Variants in ANK2 observed in about 807,000 individuals in gnomAD.
The protein encoded by ANK2 is ankyrin-2.
In ANK2, 83 loss-of-function variants were observed where a neutral mutation model predicts 360.5. The observed-to-expected ratio is 0.23, with a 90% confidence interval of 0.19 to 0.28. The LOEUF is 0.28. Among genes scored for constraint, ANK2 ranks in the 10% least tolerant of loss-of-function variants. ANK2 has a pLI of 1.00. For missense variants in ANK2, 4,201 were observed against 4,795.7 expected (o/e 0.88, Z 3.66); for synonymous variants, 1,740 against 1,759.5 (o/e 0.99, Z 0.28).
intron 1 of ANK2, among the ~76,000 whole-genome samples, chr4:113,158,626 C>G (rs753330349): frequency 1.8e-4 from 28 of 152,102 alleles, no homozygotes; most frequent in Non-Finnish European, 3.1e-4. Context: ...ATGCTGGGCT[C>G]CCATTTTGAA....
At chr4:113,020,209 G>T (rs1032120079) in intron 2 of ANK2, among the ~76,000 whole-genome samples, 1 of 151,876 alleles carries the variant, frequency 6.6e-6, no homozygotes. Flanking sequence ...TTTGGTATGG[G>T]GTCTTTCTCT....
At position 112,821,510 on chromosome 4, in the gene ANK2, TA is replaced by T. The variant is rs367576566; in HGVS notation, c.-40+3247del. Among the ~76,000 whole-genome samples, 148 of 149,274 alleles carry T rather than the reference TA, an allele frequency of 9.9e-4. 3 individuals are homozygous for T. Among genetic ancestry groups the T allele is most frequent in the Middle Eastern group, 3.4e-3 (1 of 290 alleles). ...TGTAGACTACCCTAATTTTTTTTTT[TA>T]TTTTTTTTTTGAGACTGGGTCTCAG... On this transcript the variant is annotated intron_variant, in intron 1 of 30. Transcript: ENST00000503271.
At chr4:113,133,607 TAAAC>T (rs2096209912) in intron 1 of ANK2, among the ~76,000 whole-genome samples, 3 of 152,092 alleles carry the variant, frequency 2.0e-5, no homozygotes. Flanking sequence ...GGGCAGATAA[TAAAC>T]AAACCTTAGA....
At chr4:113,104,921 G>A (rs2093429162) in intron 1 of ANK2, among the ~76,000 whole-genome samples, 1 of 152,100 alleles carries the variant, frequency 6.6e-6, no homozygotes, top group Non-Finnish European at 1.5e-5. Flanking sequence ...GAAGTATCTA[G>A]TTATGGACAG....
chr4:113,136,414 C>A (rs544795790), intron 1 of ANK2, among the ~76,000 whole-genome samples: 6 of 152,036 alleles, frequency 3.9e-5, no homozygotes, highest in African/African-American at 1.4e-4. Flanking sequence ...AACTGGAATA[C>A]GCTAGGAATG....
chr4:113,318,560 T>C lies in ANK2; in HGVS notation c.2840T>C (p.Leu947Pro), dbSNP rs786205734. The change falls in exon 26 of 46, where the codon CTA becomes CCA. Residue 947 changes from leucine (L) to proline (P), a missense_variant. Physicochemically the swap from Leu to Pro is moderately conservative, Grantham distance 98 (BLOSUM62 -3). This residue lies in a region of ANK2 where 1,268 missense variants were observed against 1,650.8 expected (regional missense o/e 0.77). Transcript: ENST00000357077. ...AKEAERNSYR[L>P]SWGTENLDNV... ...GAGGCAGAAAGGAATTCTTATCGCC[T>C]AAGCTGGGGCACTGAGAACTTAGAC... 1 of 1,613,878 alleles carries C rather than the reference T, an allele frequency of 6.2e-7. No homozygotes were observed. Among genetic ancestry groups the C allele is most frequent in the Non-Finnish European group, 8.5e-7 (1 of 1,179,830 alleles).
intron 6 of ANK2, 76 bp downstream of exon 6, chr4:113,237,248 A>G (rs1162562299): frequency 9.3e-6 from 14 of 1,503,676 alleles, no homozygotes; most frequent in Non-Finnish European, 1.1e-5. Context: ...ATAAAGAAGT[A>G]GGCCATGGTG....
chr4:112,921,291 C>T (rs893583694), intron 2 of ANK2, among the ~76,000 whole-genome samples: 5 of 151,410 alleles, frequency 3.3e-5, no homozygotes, highest in Middle Eastern at 3.4e-3. Flanking sequence ...TCCCAAAGTG[C>T]TGGGATTACA....
chr4:112,968,604 C>T (rs557743017), intron 2 of ANK2, among the ~76,000 whole-genome samples: 1 of 152,148 alleles, frequency 6.6e-6, no homozygotes, highest in Non-Finnish European at 1.5e-5. Context: ...TCTCTTTCTC[C>T]CTTCTCTTTT....
At chr4:113,340,723 C>T (rs1167813031) in intron 32 of ANK2, among the ~76,000 whole-genome samples, 1 of 133,268 alleles carries the variant, frequency 7.5e-6, no homozygotes, top group African/African-American at 3.5e-5. Flanking sequence ...AACAAACAAA[C>T]AAAAAACAAA....
chr4:112,838,385 T>A (rs571483769), intron 1 of ANK2, among the ~76,000 whole-genome samples: 11 of 152,304 alleles, frequency 7.2e-5, no homozygotes, highest in South Asian at 6.2e-4. Context: ...AATGGACTAA[T>A]ACAGAGGCCC....
the ANK2 span, among the ~76,000 whole-genome samples, chr4:112,708,019 G>T: frequency 2.6e-5 from 4 of 152,184 alleles, no homozygotes; most frequent in African/African-American, 7.2e-5. Flanking sequence ...GAAATAGGTT[G>T]CTGGAATTAT....
intron 1 of ANK2, among the ~76,000 whole-genome samples, chr4:113,050,433 T>C (rs904578173): frequency 2.0e-5 from 3 of 152,136 alleles, no homozygotes; most frequent in Admixed American, 1.3e-4. Flanking sequence ...GTGGGGGCTC[T>C]TGGGCACACA....
intron 1 of ANK2, among the ~76,000 whole-genome samples, chr4:112,894,706 T>G (rs756781496): frequency 2.2e-4 from 34 of 152,232 alleles, no homozygotes; most frequent in Non-Finnish European, 4.6e-4. Context: ...TTGTCACTCC[T>G]AGAACTCACT....
the ANK2 span, among the ~76,000 whole-genome samples, chr4:112,789,786 G>A: frequency 0.018 from 2,680 of 152,214 alleles, 91 homozygotes; most frequent in African/African-American, 0.059. Flanking sequence ...ATAAGGGATG[G>A]GAAAGAACAT....
intron 1 of ANK2, chr4:113,160,366 G>C (rs2097483537): frequency 2.4e-6 from 1 of 415,054 alleles, no homozygotes; most frequent in Non-Finnish European, 4.8e-6. Context: ...ACATCCAGCG[G>C]GTAAAGGAAA....
intron 1 of ANK2, among the ~76,000 whole-genome samples, chr4:112,872,340 ATTT>A (rs112456773): frequency 7.2e-6 from 1 of 138,748 alleles, no homozygotes; most frequent in Non-Finnish European, 1.6e-5. Flanking sequence ...TTGCATCTGT[ATTT>A]TTTTTTTTTT....
the ANK2 span, among the ~76,000 whole-genome samples, chr4:112,781,068 C>T: frequency 6.6e-6 from 1 of 152,054 alleles, no homozygotes; most frequent in African/African-American, 2.4e-5. Context: ...GGTGTGATCA[C>T]AGCTCACCGC....
chr4:113,242,623 T>C (rs1037356566), intron 9 of ANK2, among the ~76,000 whole-genome samples: 30 of 152,232 alleles, frequency 2.0e-4, no homozygotes, highest in African/African-American at 6.0e-4. Flanking sequence ...TTCTAAGTAT[T>C]CAATTCCTAA....
Sources: allele counts gnomAD v4.1 joint callset (sites outside exome capture counted in the v4.1 genomes callset), GRCh38; gene constraint gnomAD v4.1.1; regional missense constraint gnomAD v4.1.1; transcripts MANE v1.5; gene names NCBI Gene and HGNC (gene_info 2026-07-23, HGNC 2026-07-21).